FOXP2: variants seen among roughly 807,000 people sequenced by gnomAD.
FOXP2 encodes the protein forkhead box protein P2.
Under a neutral mutation model 115.8 loss-of-function variants are expected in FOXP2, and 12 were observed. That is an observed-to-expected ratio of 0.10 (90% CI 0.07 to 0.17). The LOEUF is 0.17. Ranked by LOEUF, FOXP2 falls within the 10% of genes least tolerant of loss-of-function variation. The pLI, the probability that FOXP2 is intolerant of heterozygous loss-of-function variation, is 1.00. For synonymous variants in FOXP2, 328 were observed against 297.7 expected (o/e 1.10, Z -1.05); for missense variants, 629 against 843.5 (o/e 0.75, Z 3.15).
chr7:114,369,555 T>C (rs1030515162), intron 2 of FOXP2, among the ~76,000 whole-genome samples: 5 of 151,836 alleles, frequency 3.3e-5, no homozygotes, highest in South Asian at 2.1e-4. Context: ...GGATATGAAG[T>C]CCCATAATAA....
At chr7:114,649,540 A>C (rs1189852393) in intron 8 of FOXP2, among the ~76,000 whole-genome samples, 1 of 152,144 alleles carries the variant, frequency 6.6e-6, no homozygotes, top group Non-Finnish European at 1.5e-5. Context: ...TGAGATAGTT[A>C]TAAAAACATA....
upstream of FOXP2, among the ~76,000 whole-genome samples, chr7:114,158,331 C>G (rs1398939350): frequency 6.6e-6 from 1 of 151,990 alleles, no homozygotes; most frequent in African/African-American, 2.4e-5. Context: ...ATGTCCTTTA[C>G]AGAGCTTGCA....
chr7:114,325,047 A>G (rs993389959), intron 2 of FOXP2, among the ~76,000 whole-genome samples: 1 of 151,904 alleles, frequency 6.6e-6, no homozygotes, highest in Non-Finnish European at 1.5e-5. Flanking sequence ...CCTTTATGTT[A>G]CAAGTAGATT....
At position 114,483,336 on chromosome 7, in the gene FOXP2, A is replaced by G. The variant is rs150532998; in HGVS notation, c.169-51281A>G. Among the ~76,000 whole-genome samples the G allele has an allele frequency of 4.1e-3, 620 of 151,618 alleles. 1 individual carries two copies. The highest frequency in any genetic ancestry group is 5.4e-3 in the Non-Finnish European group (365 of 67,632). On this transcript the variant is annotated intron_variant, in intron 2 of 16. Coordinates refer to ENST00000350908, the MANE Select transcript of FOXP2 (RefSeq NM_014491.4). ...CAAGGTTTTTCCTTCCTACTCTTCAATCTTGCATATCCTCCTGTATCAACT... is the reference window on the plus strand; with the variant it reads ...CAAGGTTTTTCCTTCCTACTCTTCAGTCTTGCATATCCTCCTGTATCAACT...
At chr7:114,432,821 T>C (rs1166208285) in intron 2 of FOXP2, among the ~76,000 whole-genome samples, 1 of 151,934 alleles carries the variant, frequency 6.6e-6, no homozygotes. Flanking sequence ...TAAAGATATA[T>C]GATATGACTG....
At chr7:114,679,429 T>C (rs2129349462) in intron 16 of FOXP2, among the ~76,000 whole-genome samples, 1 of 152,326 alleles carries the variant, frequency 6.6e-6, no homozygotes, top group South Asian at 2.1e-4. Context: ...CTACCTGCAG[T>C]GTCCTACACT....
At chr7:114,688,547 C>T (rs1243347186) in intron 16 of FOXP2, among the ~76,000 whole-genome samples, 1 of 152,072 alleles carries the variant, frequency 6.6e-6, no homozygotes, top group Non-Finnish European at 1.5e-5. Flanking sequence ...ACAGCGATTC[C>T]CTGATGCATC....
intron 1 of FOXP2, among the ~76,000 whole-genome samples, chr7:114,188,368 A>G (rs1416394776): frequency 1.3e-5 from 2 of 152,084 alleles, no homozygotes; most frequent in East Asian, 1.9e-4. Context: ...TGGTTTTGCA[A>G]TCCTCTTTGC....
intron 1 of FOXP2, among the ~76,000 whole-genome samples, chr7:114,123,514 C>G (rs925044922): frequency 6.6e-6 from 1 of 151,804 alleles, no homozygotes; most frequent in African/African-American, 2.4e-5. Flanking sequence ...GAAAAGGCAA[C>G]TATAATAAAT....
intron 1 of FOXP2, among the ~76,000 whole-genome samples, chr7:114,223,348 T>C (rs1351057943): frequency 6.6e-6 from 1 of 151,952 alleles, no homozygotes; most frequent in East Asian, 1.9e-4. Context: ...CCCAGATTAC[T>C]AATCAGGTTG....
At chr7:114,602,983 G>A (rs1194300609) in intron 3 of FOXP2, among the ~76,000 whole-genome samples, 1 of 152,072 alleles carries the variant, frequency 6.6e-6, no homozygotes, top group Non-Finnish European at 1.5e-5. Flanking sequence ...ACACAAAAAC[G>A]TTATGTTGAC....
At chr7:114,093,827 G>A (rs959003598) in intron 1 of FOXP2, among the ~76,000 whole-genome samples, 4 of 152,128 alleles carry the variant, frequency 2.6e-5, no homozygotes, top group African/African-American at 7.2e-5. Flanking sequence ...AATTTTGAAA[G>A]TTGTGAGTGA....
chr7:114,401,009 A>C (rs1165564765), intron 2 of FOXP2, among the ~76,000 whole-genome samples: 1 of 152,104 alleles, frequency 6.6e-6, no homozygotes, highest in Non-Finnish European at 1.5e-5. Flanking sequence ...TTCTGGGTAA[A>C]CTTACCTAAC....
At chr7:114,093,785 A>T (rs1275072860) in intron 1 of FOXP2, among the ~76,000 whole-genome samples, 21 of 152,102 alleles carry the variant, frequency 1.4e-4, no homozygotes, top group Non-Finnish European at 4.4e-5. Flanking sequence ...CTATATTTTA[A>T]ATTATTGATC....
chr7:114,212,916 G>C lies in FOXP2; in HGVS notation c.-102+49828G>C, dbSNP rs79983874. 4.5e-3 allele frequency among the ~76,000 whole-genome samples: 693 copies of C among 152,320 alleles called. 7 individuals carry two copies. The highest frequency in any genetic ancestry group is 0.016 in the African/African-American group (657 of 41,560). The stretch of plus-strand genomic sequence containing the variant: ...CATCTGCTCCAGTCACAATATATGT[G>C]AGAAAGTGAAGTCTTGTTTGCTTTT... On this transcript the variant is annotated intron_variant, in intron 1 of 17. Coordinates refer to the FOXP2 transcript ENST00000634411.
At chr7:114,426,209 A>T (rs956434331) in intron 1 of FOXP2, among the ~76,000 whole-genome samples, 30 of 151,654 alleles carry the variant, frequency 2.0e-4, no homozygotes, top group African/African-American at 7.0e-4. Flanking sequence ...TTATAGGTAG[A>T]TTTTAAAATG....
intron 2 of FOXP2, among the ~76,000 whole-genome samples, chr7:114,294,503 A>G (rs1257976107): frequency 6.6e-6 from 1 of 152,140 alleles, no homozygotes; most frequent in Non-Finnish European, 1.5e-5. Context: ...AGAAAAGTGA[A>G]TTGAAAAGTA....
At chr7:114,274,177 G>C (rs1796128100) in intron 1 of FOXP2, among the ~76,000 whole-genome samples, 1 of 151,768 alleles carries the variant, frequency 6.6e-6, no homozygotes, top group Non-Finnish European at 1.5e-5. Flanking sequence ...CACTTCATGG[G>C]TAGTGTGAGT....
At chr7:114,454,979 C>G (rs935073958) in intron 2 of FOXP2, among the ~76,000 whole-genome samples, 2 of 148,532 alleles carry the variant, frequency 1.3e-5, no homozygotes, top group African/African-American at 5.0e-5. Context: ...TGTAACTAAC[C>G]TGCACAATGT....
Sources: gnomAD v4.1 joint callset for allele counts (sites outside exome capture counted in the v4.1 genomes callset) on GRCh38, gnomAD v4.1.1 for gene constraint, MANE v1.5 for transcripts, NCBI Gene and HGNC (gene_info 2026-07-23, HGNC 2026-07-21) for gene names.